The following KMT5A variants were observed in gnomAD, a reference collection of about 807,000 sequenced individuals.
KMT5A encodes lysine methyltransferase 5A, also known as N-lysine methyltransferase KMT5A.
In KMT5A, 6 loss-of-function variants were observed where a neutral mutation model predicts 40.6. The observed-to-expected ratio is 0.15, with a 90% CI of 0.08 to 0.29. KMT5A has a LOEUF of 0.29. Ranked by LOEUF, KMT5A falls within the 10% of genes least tolerant of loss-of-function variation. KMT5A has a pLI of 1.00. For missense variants in KMT5A, 308 were observed against 459.1 expected, an observed-to-expected ratio of 0.67 and a Z score of 3.01; for synonymous variants, 153 against 178.8, an observed-to-expected ratio of 0.86 and a Z score of 1.15.
chr12:123,389,894 C>T (rs899147811), intron 2 of KMT5A: 6 of 361,144 alleles, frequency 1.7e-5, no homozygotes, highest in Non-Finnish European at 2.7e-5. Flanking sequence ...GAGGGCCCGG[C>T]GTTGCTTCTG....
At position 123,408,843 on chromosome 12, in the gene KMT5A, CAGAA is replaced by C. The variant is rs778918093; in HGVS notation, c.*1143_*1146del. On this transcript the variant is annotated 3_prime_UTR_variant, in exon 8 of 8. Coordinates refer to ENST00000402868, the MANE Select transcript of KMT5A (RefSeq NM_020382.7). ...TGACCCCGGCCGCTGCTGCCAGCCT[CAGAA>C]AGGCACCCAGGTGTGCAGGGGAGCA... 2 of 152,856 alleles carry C rather than the reference CAGAA, an allele frequency of 1.3e-5. No individual in the cohort carries two copies. The highest frequency in any genetic ancestry group is 2.9e-5 in the Non-Finnish European group (2 of 68,302). 9.5% of individuals were successfully genotyped at this position (152,856 alleles called of 1,614,324 possible).
Position 123,386,338 on chromosome 12 carries a change from C to T in KMT5A, c.10+2130C>T, listed in dbSNP as rs984005101. ...TCAAGTGATTCTTGTGCCTCAGCTT[C>T]CCAAGTAGCTGGGATTACAGGCACC... On this transcript the variant is annotated intron_variant, in intron 1 of 7. Transcript: ENST00000402868. Among the ~76,000 whole-genome samples, 8 of 151,788 alleles carry T rather than the reference C, an allele frequency of 5.3e-5. No individual in the cohort carries two copies. The South Asian group carries it at 8.3e-4, about 16-fold the overall frequency.
chr12:123,391,485 G>T (rs532513193), intron 3 of KMT5A: 1 of 151,970 alleles, frequency 6.6e-6, no homozygotes, highest in African/African-American at 2.4e-5. Flanking sequence ...ATGAGCCACC[G>T]CGCCTAGCTG....
intron 5 of KMT5A, among the ~76,000 whole-genome samples, chr12:123,397,593 A>T (rs1269171125): frequency 6.6e-6 from 1 of 151,962 alleles, no homozygotes; most frequent in Non-Finnish European, 1.5e-5. Context: ...TGCCTGAAAA[A>T]GGCAATGTCT....
Position 123,389,421 on chromosome 12 carries a change from C to T in KMT5A, c.11-12C>T, listed in dbSNP as rs931429642. The T allele has an allele frequency of 1.9e-6, 2 of 1,054,906 alleles. No individual in the cohort carries two copies. The highest frequency in any genetic ancestry group is 2.3e-6 in the Non-Finnish European group (2 of 877,560). The allele number at this position is 1,054,906 out of a possible 1,614,324, so 65.3% of individuals were successfully genotyped here. A position where few individuals can be genotyped will look rare whatever the true frequency, so the allele number is the denominator to read the frequency against. On this transcript the variant is annotated splice_polypyrimidine_tract_variant and intron_variant, in intron 1 of 7. Coordinates refer to ENST00000402868, the MANE Select transcript of KMT5A (RefSeq NM_020382.7). The stretch of plus-strand genomic sequence containing the variant: ...GCCCCCTCCCCCGCTTCCCCCGGGT[C>T]CCCTTCTCCAGGCAGGAAGATGTCC...
intron 5 of KMT5A, among the ~76,000 whole-genome samples, chr12:123,400,780 T>C (rs895353975): frequency 6.6e-6 from 1 of 152,152 alleles, no homozygotes. Flanking sequence ...ACAACCAACA[T>C]TGGTATATTA....
intron 5 of KMT5A, among the ~76,000 whole-genome samples, chr12:123,400,346 A>T (rs1878056658): frequency 6.9e-6 from 1 of 143,974 alleles, no homozygotes; most frequent in Non-Finnish European, 1.5e-5. Flanking sequence ...AAAAGTTTTT[A>T]AAATGTTTTT....
intron 7 of KMT5A, 98 bp from the exon 8 acceptor site, chr12:123,407,395 A>G: frequency 8.6e-7 from 1 of 1,166,092 alleles, no homozygotes; most frequent in Non-Finnish European, 1.2e-6. Context: ...CATGGCTTTA[A>G]ATCAGCATCC....
intron 3 of KMT5A, among the ~76,000 whole-genome samples, chr12:123,394,563 G>A (rs1877553643): frequency 6.6e-6 from 1 of 152,164 alleles, no homozygotes; most frequent in African/African-American, 2.4e-5. Flanking sequence ...CTGTGAACCT[G>A]GGGCTTCAAC....
At chr12:123,398,240 C>T (rs1337246328) in intron 5 of KMT5A, among the ~76,000 whole-genome samples, 1 of 151,826 alleles carries the variant, frequency 6.6e-6, no homozygotes, top group East Asian at 2.0e-4. Flanking sequence ...CGAGATCGCG[C>T]CACCGCACTC....
intron 3 of KMT5A, among the ~76,000 whole-genome samples, chr12:123,393,869 A>G (rs1244915552): frequency 2.6e-5 from 4 of 151,998 alleles, no homozygotes; most frequent in Non-Finnish European, 5.9e-5. Flanking sequence ...TCATCTGTTG[A>G]TGGACATTTG....
intron 5 of KMT5A, among the ~76,000 whole-genome samples, chr12:123,401,054 C>G (rs971449842): frequency 1.3e-5 from 2 of 151,686 alleles, no homozygotes; most frequent in African/African-American, 4.8e-5. Flanking sequence ...CTTGGCCTCC[C>G]AAACTGCTGG....
At chr12:123,396,480 A>G in intron 5 of KMT5A, 48 bp downstream of exon 5, 1 of 1,550,302 alleles carries the variant, frequency 6.5e-7, no homozygotes, top group Non-Finnish European at 8.9e-7. Flanking sequence ...AGGGTGGCCC[A>G]CCAAGCAGTG....
chr12:123,389,354 C>A lies in KMT5A; in HGVS notation c.11-79C>A, dbSNP rs986860983. Reference sequence around the variant, plus strand: ...CGGCGGGAGGCGCCGTCGCGGCGCCCGGCCCGGGCGGCCCCGCTCCCCGCC... The same window carrying A: ...CGGCGGGAGGCGCCGTCGCGGCGCCAGGCCCGGGCGGCCCCGCTCCCCGCC... On this transcript the variant is annotated intron_variant, in intron 1 of 7. Coordinates refer to ENST00000402868, the MANE Select transcript of KMT5A (RefSeq NM_020382.7). 2.7e-5 allele frequency: 25 copies of A among 934,266 alleles called. No homozygotes were observed. In the African/African-American group the frequency reaches 4.2e-4, roughly 16 times the overall value. 57.9% of individuals were successfully genotyped at this position (934,266 alleles called of 1,614,324 possible).
At chr12:123,401,400 G>A (rs1217413178) in intron 5 of KMT5A, among the ~76,000 whole-genome samples, 4 of 150,374 alleles carry the variant, frequency 2.7e-5, no homozygotes, top group African/African-American at 7.3e-5. Context: ...CGCCCGCCTC[G>A]GCCTCCCAAA....
intron 3 of KMT5A, among the ~76,000 whole-genome samples, chr12:123,393,086 C>T (rs1183631041): frequency 6.6e-6 from 1 of 152,204 alleles, no homozygotes; most frequent in African/African-American, 2.4e-5. Flanking sequence ...CCATGTTGGC[C>T]AGGCTGGTCT....
In KMT5A at chr12:123,384,396, G is replaced by A. The variant is rs1876740014; in HGVS notation, c.10+188G>A. ...CCGGCCCCCCCTTGCGGCTCCAGATGCCCCCAGAAACCCTTCCCACTGCCG... is the reference window on the plus strand; with the variant it reads ...CCGGCCCCCCCTTGCGGCTCCAGATACCCCCAGAAACCCTTCCCACTGCCG... On this transcript the variant is annotated intron_variant, in intron 1 of 7. Coordinates refer to ENST00000402868, the MANE Select transcript of KMT5A (RefSeq NM_020382.7). This position sits in a 1 kb window ranked among gnomAD's most constrained non-coding sequence, Gnocchi z 5.7. Among the ~76,000 whole-genome samples the A allele has an allele frequency of 6.6e-6, 1 of 152,192 alleles. No individual in the cohort carries two copies. Among genetic ancestry groups the A allele is most frequent in the Admixed American group, 6.5e-5 (1 of 15,270 alleles).
chr12:123,404,214 A>G (rs1056620617), intron 6 of KMT5A, among the ~76,000 whole-genome samples: 1 of 152,158 alleles, frequency 6.6e-6, no homozygotes, highest in Non-Finnish European at 1.5e-5. Flanking sequence ...CTGTATTTCA[A>G]CCACACTCAG....
At chr12:123,390,415 A>G (rs1359276515) in intron 2 of KMT5A, among the ~76,000 whole-genome samples, 2 of 152,044 alleles carry the variant, frequency 1.3e-5, no homozygotes, top group Non-Finnish European at 2.9e-5. Context: ...CCCCTTAGTG[A>G]TTTAGAGACC....
Sources: allele counts gnomAD v4.1 joint callset (sites outside exome capture counted in the v4.1 genomes callset), GRCh38; gene constraint gnomAD v4.1.1; non-coding constraint Gnocchi (gnomAD v3.1); transcripts MANE v1.5; gene names NCBI Gene and HGNC (gene_info 2026-07-23, HGNC 2026-07-21).